Variants in ESRRG observed in about 807,000 individuals in gnomAD.
The protein encoded by ESRRG is estrogen-related receptor gamma.
ESRRG carries 13 observed loss-of-function variants against 44.0 expected under a neutral mutation model. The ratio of observed to expected loss-of-function variants is 0.30; its 90% CI spans 0.19 to 0.47. The LOEUF is 0.47. Among genes scored for constraint, ESRRG ranks in the 20% least tolerant of loss-of-function variants. ESRRG has a pLI of 1.00. For synonymous variants in ESRRG, 215 were observed against 214.6 expected, an observed-to-expected ratio of 1.00 and a Z score of -0.02; for missense variants, 395 against 580.6, an observed-to-expected ratio of 0.68 and a Z score of 3.29.
chr1:217,080,434 A>T (rs1193371475), intron 1 of ESRRG, among the ~76,000 whole-genome samples: 1 of 152,088 alleles, frequency 6.6e-6, no homozygotes, highest in African/African-American at 2.4e-5. Context: ...CTTCCAACTC[A>T]TTATATACAT....
At chr1:216,567,875 CAA>C in intron 4 of ESRRG, 111 bp downstream of exon 4, 1 of 666,766 alleles carries the variant, frequency 1.5e-6, no homozygotes, top group South Asian at 1.8e-5. Flanking sequence ...TGTTCTCCAA[CAA>C]AGAGAAGTCT....
intron 1 of ESRRG, among the ~76,000 whole-genome samples, chr1:216,720,395 A>C (rs563295020): frequency 6.6e-6 from 1 of 152,226 alleles, no homozygotes; most frequent in East Asian, 1.9e-4. Flanking sequence ...ATAAAAAACA[A>C]AACATGAAGA....
intron 1 of ESRRG, among the ~76,000 whole-genome samples, chr1:216,942,682 CAT>C (rs1307704943): frequency 3.0e-4 from 45 of 152,158 alleles, no homozygotes; most frequent in African/African-American, 8.4e-4. Context: ...AGCATTTTTT[CAT>C]ATGTTTGTTG....
At chr1:216,528,643 C>T (rs569405514) in intron 5 of ESRRG, among the ~76,000 whole-genome samples, 6 of 152,088 alleles carry the variant, frequency 3.9e-5, no homozygotes, top group East Asian at 3.9e-4. Flanking sequence ...ACTTTTTTAA[C>T]GTAAATTTTT....
chr1:216,689,862 A>C (rs1470975086), intron 1 of ESRRG, among the ~76,000 whole-genome samples: 2 of 151,810 alleles, frequency 1.3e-5, no homozygotes, highest in African/African-American at 4.9e-5. Context: ...TCTAAATTAT[A>C]ATATGTATTC....
chr1:216,648,002 G>A (rs997202922), intron 3 of ESRRG, among the ~76,000 whole-genome samples: 1 of 152,150 alleles, frequency 6.6e-6, no homozygotes, highest in East Asian at 1.9e-4. Context: ...GTCAACACGG[G>A]GGTTGTAGCA....
chr1:216,849,768 A>T (rs574195564), intron 2 of ESRRG, among the ~76,000 whole-genome samples: 156 of 152,222 alleles, frequency 1.0e-3, no homozygotes, highest in Non-Finnish European at 1.7e-3. Context: ...TATCTTCCCA[A>T]TAGCACTTTT....
intron 3 of ESRRG, among the ~76,000 whole-genome samples, chr1:216,612,715 T>C (rs150786274): frequency 5.9e-5 from 9 of 152,296 alleles, no homozygotes; most frequent in African/African-American, 2.2e-4. Flanking sequence ...CAATAAAAAC[T>C]CAGGTTCTTC....
chr1:217,101,840 CT>C (rs2092517318), intron 1 of ESRRG, among the ~76,000 whole-genome samples: 1 of 151,708 alleles, frequency 6.6e-6, no homozygotes, highest in African/African-American at 2.4e-5. Context: ...GAGTTTCACT[CT>C]TGTTGCCCAG....
intron 2 of ESRRG, among the ~76,000 whole-genome samples, chr1:216,839,983 A>G (rs2148857050): frequency 6.6e-6 from 1 of 152,328 alleles, no homozygotes; most frequent in South Asian, 2.1e-4. Flanking sequence ...GTAAACGAGC[A>G]ATGACTTCAA....
chr1:216,592,336 C>T (rs2057792488), intron 3 of ESRRG, among the ~76,000 whole-genome samples: 1 of 151,910 alleles, frequency 6.6e-6, no homozygotes, highest in Non-Finnish European at 1.5e-5. Context: ...TTATTCTCTC[C>T]TTTTTTCCTT....
intron 1 of ESRRG, among the ~76,000 whole-genome samples, chr1:217,068,523 A>AT (rs35791303): frequency 2.0e-5 from 3 of 151,994 alleles, no homozygotes; most frequent in African/African-American, 7.3e-5. Context: ...CTTCGGCTAT[A>AT]TTTTTTTAAC....
chr1:216,828,489 A>C (rs1279108698), intron 2 of ESRRG, among the ~76,000 whole-genome samples: 1 of 152,166 alleles, frequency 6.6e-6, no homozygotes, highest in African/African-American at 2.4e-5. Flanking sequence ...CTCTTATTAA[A>C]AGCACATAAC....
Position 216,912,107 on chromosome 1 carries a change from G to GAAGAAAAGAA in ESRRG, c.-14+27465_-14+27474dup, listed in dbSNP as rs763291110. ...GAGCAAGACCCACCCTGTAAAAAAA[G>GAAGAAAAGAA]AAGAAAAGAAAAGAAAAGAAAAGAA... On this transcript the variant is annotated intron_variant, in intron 2 of 7. Transcript: ENST00000359162. Among the ~76,000 whole-genome samples the GAAGAAAAGAA allele has an allele frequency of 1.9e-3, 145 of 74,364 alleles. 3 individuals carry two copies. The highest frequency in any genetic ancestry group is 2.9e-3 in the Non-Finnish European group (105 of 35,868). The allele number at this position is 74,364 out of a possible 152,430, so 48.8% of individuals were successfully genotyped here. A position where few individuals can be genotyped will look rare whatever the true frequency, so the allele number is the denominator to read the frequency against.
intron 1 of ESRRG, among the ~76,000 whole-genome samples, chr1:216,719,460 G>C (rs2085683956): frequency 1.3e-5 from 2 of 151,910 alleles, no homozygotes; most frequent in Non-Finnish European, 2.9e-5. Context: ...TAAATTGTAA[G>C]ATCTGAAAAA....
rs1224356934 is a variant in ESRRG at position 217,026,954 on chromosome 1, C to T, written c.-106+62553G>A. Among the ~76,000 whole-genome samples the T allele has an allele frequency of 3.0e-5, 3 of 99,070 alleles. No individual in the cohort carries two copies. The Admixed American group carries it at 3.0e-4, about 10-fold the overall frequency. The allele number at this position is 99,070 out of a possible 152,430, so 65.0% of individuals were successfully genotyped here. A position where few individuals can be genotyped will look rare whatever the true frequency, so the allele number is the denominator to read the frequency against. ...AGAGAGAGAGAGAGAGAGAGAAAGC[C>T]CAGTCTAGGGTATCATGGTTTTATT... On this transcript the variant is annotated intron_variant, in intron 1 of 7. Transcript: ENST00000359162.
intron 2 of ESRRG, among the ~76,000 whole-genome samples, chr1:216,924,053 T>C (rs1246122782): frequency 6.6e-6 from 1 of 152,176 alleles, no homozygotes; most frequent in Non-Finnish European, 1.5e-5. Context: ...GATGGTGTGA[T>C]ACCTTTCCAA....
In ESRRG at chr1:216,504,427, G is replaced by A. The variant is rs1037893288; in HGVS notation, c.*2512C>T. On this transcript the variant is annotated 3_prime_UTR_variant, in exon 7 of 7. Coordinates refer to ENST00000408911, the MANE Select transcript of ESRRG (RefSeq NM_001438.4). ...AAGTTATTGACCATCTGAATGAATTGCTAATGATGATTTATCTAGAATCAC... is the reference window on the plus strand; with the variant it reads ...AAGTTATTGACCATCTGAATGAATTACTAATGATGATTTATCTAGAATCAC... The A allele has an allele frequency of 6.6e-6, 1 of 152,572 alleles. No homozygotes were observed. The highest frequency in any genetic ancestry group is 2.4e-5 in the African/African-American group (1 of 41,524). The allele number at this position is 152,572 out of a possible 1,614,324, so 9.5% of individuals were successfully genotyped here. A position where few individuals can be genotyped will look rare whatever the true frequency, so the allele number is the denominator to read the frequency against.
intron 3 of ESRRG, among the ~76,000 whole-genome samples, chr1:216,595,180 T>C (rs1220006096): frequency 6.6e-6 from 1 of 151,934 alleles, no homozygotes; most frequent in Non-Finnish European, 1.5e-5. Flanking sequence ...ACATAGCACA[T>C]TTTTAAAATG....
Sources: allele counts gnomAD v4.1 joint callset (sites outside exome capture counted in the v4.1 genomes callset), GRCh38; gene constraint gnomAD v4.1.1; transcripts MANE v1.5; gene names NCBI Gene and HGNC (gene_info 2026-07-23, HGNC 2026-07-21).